Variants in CHCHD6 observed in about 807,000 individuals in gnomAD.
The protein encoded by CHCHD6 is MICOS complex subunit MIC25.
In CHCHD6, 28 loss-of-function variants were observed where a neutral mutation model predicts 32.3. The observed-to-expected ratio is 0.87, with a 90% CI of 0.64 to 1.19. The LOEUF is 1.19. Among genes scored for constraint, CHCHD6 ranks in the 50% most tolerant of loss-of-function variants. CHCHD6 has a pLI of 0.00. For missense variants in CHCHD6, 333 were observed against 307.0 expected, an observed-to-expected ratio of 1.08 and a Z score of -0.63; for synonymous variants, 122 against 117.5, an observed-to-expected ratio of 1.04 and a Z score of -0.25.
At chr3:126,805,348 C>T (rs1293443353) in intron 4 of CHCHD6, among the ~76,000 whole-genome samples, 1 of 151,762 alleles carries the variant, frequency 6.6e-6, no homozygotes, top group African/African-American at 2.4e-5. Context: ...GCAACTTCAG[C>T]AAAGTCTCAG....
At chr3:126,935,131 G>A (rs116773303) in intron 6 of CHCHD6, 13 of 987,620 alleles carry the variant, frequency 1.3e-5, no homozygotes, top group East Asian at 1.1e-4. Context: ...TGCTGTCTCC[G>A]GCCACCTGGG....
At chr3:126,893,946 A>G (rs750659868) in intron 5 of CHCHD6, among the ~76,000 whole-genome samples, 6 of 152,236 alleles carry the variant, frequency 3.9e-5, no homozygotes, top group Non-Finnish European at 7.3e-5. Flanking sequence ...GAGCTTTGAG[A>G]TGGCCCTGCC....
chr3:126,774,142 T>C (rs1395657631), intron 4 of CHCHD6, among the ~76,000 whole-genome samples: 2 of 152,252 alleles, frequency 1.3e-5, no homozygotes, highest in Non-Finnish European at 2.9e-5. Context: ...TTTTAAAATA[T>C]AACTTATTGA....
At chr3:126,839,008 C>G (rs893221041) in intron 4 of CHCHD6, among the ~76,000 whole-genome samples, 1 of 151,866 alleles carries the variant, frequency 6.6e-6, no homozygotes, top group African/African-American at 2.4e-5. Flanking sequence ...CCTGCCTCAG[C>G]CACCTGAGTA....
intron 4 of CHCHD6, among the ~76,000 whole-genome samples, chr3:126,830,107 ATAAAT>A (rs1334828722): frequency 6.6e-6 from 1 of 152,224 alleles, no homozygotes; most frequent in Non-Finnish European, 1.5e-5. Flanking sequence ...CAAAAAATAA[ATAAAT>A]TAAATAAATA....
At chr3:126,845,064 A>G (rs1352938902) in intron 4 of CHCHD6, among the ~76,000 whole-genome samples, 1 of 152,232 alleles carries the variant, frequency 6.6e-6, no homozygotes, top group Non-Finnish European at 1.5e-5. Flanking sequence ...GAATGGTAAG[A>G]GAAGACGTTT....
chr3:126,722,618 T>C (rs1935359564), intron 1 of CHCHD6, among the ~76,000 whole-genome samples: 1 of 152,240 alleles, frequency 6.6e-6, no homozygotes, highest in Admixed American at 6.5e-5. Flanking sequence ...AAATTTCTAT[T>C]TAGATCCTTT....
intron 6 of CHCHD6, chr3:126,949,289 G>A (rs2078681181): frequency 5.9e-6 from 1 of 168,666 alleles, no homozygotes; most frequent in Non-Finnish European, 1.3e-5. Context: ...TAACCCAGTG[G>A]CGGCCCTGGA....
intron 4 of CHCHD6, among the ~76,000 whole-genome samples, chr3:126,747,159 T>C (rs1248812501): frequency 6.6e-6 from 1 of 152,204 alleles, no homozygotes; most frequent in Non-Finnish European, 1.5e-5. Flanking sequence ...CTCGTCTCCT[T>C]TCTCCCTCTC....
intron 5 of CHCHD6, among the ~76,000 whole-genome samples, chr3:126,907,553 A>G (rs191031916): frequency 6.6e-6 from 1 of 152,182 alleles, no homozygotes; most frequent in East Asian, 1.9e-4. Flanking sequence ...GAATATGTTA[A>G]TTTTCTTCAC....
chr3:126,745,740 C>G (rs1391229091), intron 4 of CHCHD6, among the ~76,000 whole-genome samples: 1 of 152,216 alleles, frequency 6.6e-6, no homozygotes, highest in Non-Finnish European at 1.5e-5. Flanking sequence ...AACAGACCTT[C>G]CAGATCCCAC....
intron 4 of CHCHD6, among the ~76,000 whole-genome samples, chr3:126,795,325 A>G (rs918613757): frequency 6.6e-6 from 1 of 152,238 alleles, no homozygotes; most frequent in African/African-American, 2.4e-5. Context: ...AATTTCCATC[A>G]TGCTGGTATG....
intron 5 of CHCHD6, among the ~76,000 whole-genome samples, chr3:126,859,118 A>C (rs1479047363): frequency 6.6e-6 from 1 of 152,234 alleles, no homozygotes; most frequent in Non-Finnish European, 1.5e-5. Context: ...GAGTAGGTGC[A>C]CAGTAAATGT....
At chr3:126,901,574 C>T (rs1158717049) in intron 5 of CHCHD6, among the ~76,000 whole-genome samples, 5 of 152,182 alleles carry the variant, frequency 3.3e-5, no homozygotes, top group African/African-American at 1.2e-4. Flanking sequence ...TCAAATGGAA[C>T]CATCCAAATG....
At chr3:126,758,366 C>A (rs1477769122) in intron 4 of CHCHD6, among the ~76,000 whole-genome samples, 2 of 152,220 alleles carry the variant, frequency 1.3e-5, no homozygotes, top group Non-Finnish European at 2.9e-5. Flanking sequence ...AATGGCATTA[C>A]AAATCACAGT....
At position 126,731,186 on chromosome 3, in the gene CHCHD6, C is replaced by T. The variant is rs148608397; in HGVS notation, c.266+556C>T. Among the ~76,000 whole-genome samples the T allele has an allele frequency of 1.2e-3, 184 of 149,976 alleles. No homozygotes were observed. The East Asian group carries it at 0.016, about 13-fold the overall frequency. Reference sequence around the variant, plus strand: ...GCTGGAACTTCTGCATGTGTGTGCACATGCAGGCATGTTTTTAGAGAGATG... The same window carrying T: ...GCTGGAACTTCTGCATGTGTGTGCATATGCAGGCATGTTTTTAGAGAGATG... On this transcript the variant is annotated intron_variant, in intron 3 of 7. Coordinates refer to ENST00000290913, the MANE Select transcript of CHCHD6 (RefSeq NM_032343.3).
intron 4 of CHCHD6, among the ~76,000 whole-genome samples, chr3:126,776,168 A>G (rs116297397): frequency 0.012 from 1,762 of 152,282 alleles, 16 homozygotes; most frequent in Middle Eastern, 0.048. Context: ...CTCTGTTAAT[A>G]GTTTGAGCAT....
intron 6 of CHCHD6, among the ~76,000 whole-genome samples, chr3:126,932,254 G>T (rs2078417084): frequency 6.6e-6 from 1 of 152,152 alleles, no homozygotes; most frequent in African/African-American, 2.4e-5. Context: ...ACCCTGGTTT[G>T]TGGTGGCCCA....
At chr3:126,902,606 A>G (rs1036247490) in intron 5 of CHCHD6, among the ~76,000 whole-genome samples, 2 of 151,532 alleles carry the variant, frequency 1.3e-5, no homozygotes, top group African/African-American at 2.4e-5. Context: ...AGTCCCAGCT[A>G]CTCAGGAGGC....
Sources: allele counts gnomAD v4.1 joint callset (sites outside exome capture counted in the v4.1 genomes callset), GRCh38; gene constraint gnomAD v4.1.1; transcripts MANE v1.5; gene names NCBI Gene and HGNC (gene_info 2026-07-23, HGNC 2026-07-21).